Variants in NBR1 observed in about 807,000 individuals in gnomAD.
NBR1 encodes the protein NBR1 autophagy cargo receptor.
In NBR1, 59 loss-of-function variants were observed where a neutral mutation model predicts 115.5. That is an observed-to-expected ratio of 0.51 (90% CI 0.41 to 0.63). The LOEUF (loss-of-function observed/expected upper bound fraction) is 0.63, where lower values mean the gene tolerates loss of function less well. NBR1 is among the 30% of genes least tolerant of loss of function. The probability of loss-of-function intolerance (pLI) is 0.00; values close to 1 mark genes in which losing one functional copy is unlikely to be tolerated. For synonymous variants in NBR1, 373 were observed against 414.7 expected (o/e 0.90, Z 1.22); for missense variants, 1,043 against 1,150.5 (o/e 0.91, Z 1.35).
rs373818894 is a variant in NBR1 at position 43,200,458 on chromosome 17, G to C, written c.2318G>C (p.Gly773Ala). The change falls in exon 17 of 21, where the codon GGG becomes GCG. Residue 773 changes from glycine (G) to alanine (A), a missense_variant. Transcript: ENST00000590996. ...GAAGGCAAGCCTGGGGTTGAGGCTG[G>C]GCAGGAACCAGCTGAGGCTGGGGAA... ...GAEGKPGVEA[G>A]QEPAEAGERL... 5 of 1,613,344 alleles carry C rather than the reference G, an allele frequency of 3.1e-6. No individual in the cohort carries two copies. The highest frequency in any genetic ancestry group is 1.7e-6 in the Non-Finnish European group (2 of 1,179,626).
intron 20 of NBR1, among the ~76,000 whole-genome samples, chr17:43,205,877 C>CAAAAAA (rs71361507): frequency 3.1e-4 from 18 of 58,682 alleles, no homozygotes; most frequent in African/African-American, 7.8e-4. Flanking sequence ...GACCATGTCT[C>CAAAAAA]AAAAAAAAAA....
At chr17:43,204,840 G>GCATGCACCTACAGTCCCAGTTA (rs2057282234) in intron 20 of NBR1, among the ~76,000 whole-genome samples, 1 of 146,992 alleles carries the variant, frequency 6.8e-6, no homozygotes, top group South Asian at 2.1e-4. Context: ...AAGTATGATG[G>GCATGCACCTACAGTCCCAGTTA]CATGCACCTA....
At chr17:43,173,942 C>A (rs1186774005) in intron 1 of NBR1, among the ~76,000 whole-genome samples, 4 of 148,684 alleles carry the variant, frequency 2.7e-5, no homozygotes, top group African/African-American at 5.0e-5. Flanking sequence ...GCTATTTTTT[C>A]ATAAAGTCAT....
chr17:43,171,402 T>G lies in NBR1; in HGVS notation c.-10+100T>G, dbSNP rs181616864. 5.9e-5 allele frequency: 9 copies of G among 152,500 alleles called. No individual in the cohort carries two copies. The East Asian group carries it at 1.7e-3, about 29-fold the overall frequency. The allele number at this position is 152,500 out of a possible 1,614,324, so 9.4% of individuals were successfully genotyped here. On this transcript the variant is annotated intron_variant, in intron 1 of 20. Transcript: ENST00000590996. ...AATCCTGCAAAGAAGAGGGGCGACT[T>G]TTTCCGTGTTTCGGGACAGCTAATC...
At chr17:43,185,004 G>C (rs1186871137) in intron 5 of NBR1, among the ~76,000 whole-genome samples, 1 of 151,518 alleles carries the variant, frequency 6.6e-6, no homozygotes, top group Admixed American at 6.6e-5. Flanking sequence ...CAGGAGAATC[G>C]CTTGAACCCG....
chr17:43,202,338 C>T (rs928155363), intron 18 of NBR1, among the ~76,000 whole-genome samples: 1 of 152,078 alleles, frequency 6.6e-6, no homozygotes, highest in Admixed American at 6.5e-5. Flanking sequence ...TCCATCTCCC[C>T]CTTTCCTGAC....
In NBR1 at chr17:43,196,952, G is replaced by A. The variant is rs1275037968; in HGVS notation, c.1872G>A (p.Val624=). 1 of 1,613,998 alleles carries A rather than the reference G, an allele frequency of 6.2e-7. No homozygotes were observed. Among genetic ancestry groups the A allele is most frequent in the Non-Finnish European group, 8.5e-7 (1 of 1,179,880 alleles). The change falls in exon 16 of 21, where the codon GTG becomes GTA. Residue 624 remains valine (V), a synonymous_variant. Coordinates refer to ENST00000590996, the MANE Select transcript of NBR1 (RefSeq NM_005899.5). ...AGFKALPDSM[V]SVKRKAENIA... ...TCGTGTGTCTTTCAGATTCTATGGT[G>A]TCAGTAAAGAGGAAGGCTGAGAACA...
chr17:43,175,952 T>C lies in NBR1; in HGVS notation c.102+51T>C, dbSNP rs2056506159. On this transcript the variant is annotated intron_variant, in intron 2 of 20. Transcript: ENST00000590996. ...CCTTGGTTTAAGCATGGTTATTTTT[T>C]CCAAAGGTAGCTATTTTTAGCAGTG... 3 of 1,067,274 alleles carry C rather than the reference T, an allele frequency of 2.8e-6. No individual in the cohort carries two copies. In the East Asian group the frequency reaches 7.4e-5, roughly 26 times the overall value. The allele number at this position is 1,067,274 out of a possible 1,614,324, so 66.1% of individuals were successfully genotyped here. A position where few individuals can be genotyped will look rare whatever the true frequency, so the allele number is the denominator to read the frequency against.
At chr17:43,204,362 A>G (rs1444238442) in intron 20 of NBR1, among the ~76,000 whole-genome samples, 2 of 152,038 alleles carry the variant, frequency 1.3e-5, no homozygotes, top group East Asian at 1.9e-4. Flanking sequence ...TGTTGGCACT[A>G]TGGCATGAAT....
chr17:43,207,029 C>T (rs1001680207), intron 20 of NBR1, among the ~76,000 whole-genome samples: 2 of 152,162 alleles, frequency 1.3e-5, no homozygotes, highest in Admixed American at 1.3e-4. Flanking sequence ...CATGCCACTG[C>T]ACTCCAGCCT....
intron 3 of NBR1, among the ~76,000 whole-genome samples, chr17:43,178,240 G>T (rs1046667034): frequency 7.3e-5 from 11 of 151,692 alleles, no homozygotes; most frequent in African/African-American, 1.9e-4. Flanking sequence ...AGGAAACAGG[G>T]TCTCACTATG....
intron 3 of NBR1, among the ~76,000 whole-genome samples, chr17:43,178,787 T>A (rs1170977895): frequency 6.7e-6 from 1 of 150,046 alleles, no homozygotes; most frequent in African/African-American, 2.4e-5. Context: ...TTTTTTTTTT[T>A]AAAGAGGGTC....
Position 43,210,191 on chromosome 17 carries a change from A to G in NBR1, c.*117A>G, listed in dbSNP as rs2057394001. The G allele has an allele frequency of 5.4e-6, 5 of 927,400 alleles. No homozygotes were observed. Among genetic ancestry groups the G allele is most frequent in the South Asian group, 3.2e-5 (1 of 31,540 alleles). The allele number at this position is 927,400 out of a possible 1,614,324, so 57.4% of individuals were successfully genotyped here. ...AATCTGATGAATCTGTATAGAGCCCATCGTTGAGTTACCAAGACAATACCT... is the reference window on the plus strand; with the variant it reads ...AATCTGATGAATCTGTATAGAGCCCGTCGTTGAGTTACCAAGACAATACCT... On this transcript the variant is annotated 3_prime_UTR_variant, in exon 21 of 21. Transcript: ENST00000590996.
At chr17:43,195,797 G>A (rs2057053256) in intron 14 of NBR1, 1 of 151,994 alleles carries the variant, frequency 6.6e-6, no homozygotes, top group Non-Finnish European at 1.5e-5. Context: ...CTCCAGCCTG[G>A]ATGACAGAGT....
At chr17:43,173,753 T>C (rs1420548428) in intron 1 of NBR1, among the ~76,000 whole-genome samples, 1 of 152,182 alleles carries the variant, frequency 6.6e-6, no homozygotes, top group East Asian at 1.9e-4. Context: ...CTCACAGTTT[T>C]ATGTCTAGTA....
At chr17:43,181,799 T>C (rs2056672985) in intron 5 of NBR1, among the ~76,000 whole-genome samples, 2 of 152,028 alleles carry the variant, frequency 1.3e-5, no homozygotes, top group Admixed American at 1.3e-4. Flanking sequence ...AGCCTGACCA[T>C]GATGGTGAAA....
intron 5 of NBR1, 39 bp from the exon 6 acceptor site, chr17:43,186,211 T>TC: frequency 6.7e-7 from 1 of 1,500,912 alleles, no homozygotes. Context: ...GAGAAGATAA[T>TC]CACGTCGCAT....
In NBR1 at chr17:43,200,514, G is replaced by A. The variant is rs1598008430; in HGVS notation, c.2374G>A (p.Glu792Lys). ...RLPGGENQPQ[E>K]HSISDILTTS... ...CCCTGGAGGGGAGAACCAGCCACAG[G>A]AGCACAGCATAAGTGACATCCTCAC... The change falls in exon 17 of 21, where the codon GAG (glutamate) becomes AAG (lysine). Residue 792 changes from glutamate to lysine, a missense_variant. Physicochemically the swap from Glu to Lys is moderately conservative, Grantham distance 56 (BLOSUM62 1). Coordinates refer to ENST00000590996, the MANE Select transcript of NBR1 (RefSeq NM_005899.5). 2 of 1,613,982 alleles carry A rather than the reference G, an allele frequency of 1.2e-6. No homozygotes were observed. The highest frequency in any genetic ancestry group is 2.2e-5 in the East Asian group (1 of 44,884).
intron 20 of NBR1, among the ~76,000 whole-genome samples, chr17:43,204,063 G>A (rs566504489): frequency 2.0e-5 from 3 of 151,344 alleles, no homozygotes; most frequent in South Asian, 4.2e-4. Flanking sequence ...TCAGCCTCCC[G>A]AGTAGCTGGG....
Sources: gnomAD v4.1 joint callset for allele counts (sites outside exome capture counted in the v4.1 genomes callset) on GRCh38, gnomAD v4.1.1 for gene constraint, MANE v1.5 for transcripts, NCBI Gene and HGNC (gene_info 2026-07-23, HGNC 2026-07-21) for gene names.